Variants in HINT3 observed in about 807,000 individuals in gnomAD.
The protein encoded by HINT3 is adenosine 5'-monophosphoramidase HINT3.
HINT3 carries 16 observed loss-of-function variants against 19.1 expected under a neutral mutation model. The observed-to-expected ratio is 0.84, with a 90% CI of 0.57 to 1.27. The LOEUF (loss-of-function observed/expected upper bound fraction) is 1.27. Ranked by LOEUF, HINT3 falls within the 50% of genes most tolerant of loss-of-function variation. The probability of loss-of-function intolerance (pLI) is 0.00; values close to 1 mark genes in which losing one functional copy is unlikely to be tolerated. For synonymous variants in HINT3, 75 were observed against 84.8 expected (o/e 0.88, Z 0.63); for missense variants, 197 against 225.8 (o/e 0.87, Z 0.82).
chr6:125,971,138 G>A (rs1789091300), intron 2 of HINT3, among the ~76,000 whole-genome samples: 1 of 152,106 alleles, frequency 6.6e-6, no homozygotes, highest in Non-Finnish European at 1.5e-5. Flanking sequence ...TTTTTTGGTG[G>A]ACAGGTTTAT....
intron 1 of HINT3, among the ~76,000 whole-genome samples, chr6:125,964,749 C>G (rs1188151786): frequency 1.4e-5 from 2 of 142,156 alleles, no homozygotes; most frequent in Non-Finnish European, 3.0e-5. Flanking sequence ...CACACACACA[C>G]ACACACACAC....
Position 125,978,481 on chromosome 6 carries a change from C to T in HINT3, c.*805C>T, listed in dbSNP as rs1789206934. The T allele has an allele frequency of 6.6e-6, 1 of 152,092 alleles. No homozygotes were observed. Among genetic ancestry groups the T allele is most frequent in the South Asian group, 2.1e-4 (1 of 4,816 alleles). 9.4% of individuals were successfully genotyped at this position (152,092 alleles called of 1,614,324 possible). On this transcript the variant is annotated 3_prime_UTR_variant, in exon 5 of 5. Transcript: ENST00000229633. Reference sequence around the variant, plus strand: ...ATCAGAGGTTAAACTTTGCTTTTATCATGAAAAGGGCCTGATTTGAAGGTA... The same window carrying T: ...ATCAGAGGTTAAACTTTGCTTTTATTATGAAAAGGGCCTGATTTGAAGGTA...
At chr6:125,975,524 A>G (rs145681439) in intron 4 of HINT3, among the ~76,000 whole-genome samples, 240 of 152,032 alleles carry the variant, frequency 1.6e-3, no homozygotes, top group Middle Eastern at 6.8e-3. Context: ...TGATAGTTCA[A>G]ATTCCTTAGA....
chr6:125,966,848 T>A (rs1159900595), intron 1 of HINT3, 39 bp from the exon 2 acceptor site: 2 of 1,346,846 alleles, frequency 1.5e-6, no homozygotes, highest in Non-Finnish European at 2.1e-6. Flanking sequence ...ATTAAGAAAT[T>A]CTTTTTAAAA....
chr6:125,956,993 G>C lies in HINT3; in HGVS notation c.16G>C (p.Val6Leu). 6.5e-7 allele frequency: 1 copy of C among 1,550,216 alleles called. No homozygotes were observed. Among genetic ancestry groups the C allele is most frequent in the Non-Finnish European group, 8.7e-7 (1 of 1,146,802 alleles). The change falls in exon 1 of 5, where the codon GTG becomes CTG. Residue 6 changes from valine to leucine, a missense_variant. Transcript: ENST00000229633. MAEEQVNRSAGLAPDC... is the reference protein window; with the variant it reads MAEEQLNRSAGLAPDC... ...GGCGGGTGCAATGGCGGAGGAACAG[G>C]TGAACCGCAGCGCCGGCCTGGCCCC...
chr6:125,974,858 A>G lies in HINT3; in HGVS notation c.401A>G (p.His134Arg), dbSNP rs755291518. The change falls in exon 4 of 5, where the codon CAT becomes CGT. Residue 134 changes from histidine (H) to arginine (R), a missense_variant. Physicochemically the swap from His to Arg is conservative, Grantham distance 29. Transcript: ENST00000229633. ...TDFTNVRMGF[H>R]MPPFCSISHL... ...ACTTTCTATTTTAGGATGGGTTTTCATATGCCACCATTCTGTTCCATTTCC... is the reference window on the plus strand; with the variant it reads ...ACTTTCTATTTTAGGATGGGTTTTCGTATGCCACCATTCTGTTCCATTTCC... 13 of 1,613,132 alleles carry G rather than the reference A, an allele frequency of 8.1e-6. No individual in the cohort carries two copies. In the Admixed American group the frequency reaches 8.3e-5, roughly 10 times the overall value.
intron 1 of HINT3, among the ~76,000 whole-genome samples, chr6:125,959,225 A>G (rs1310130934): frequency 6.6e-6 from 1 of 152,212 alleles, no homozygotes; most frequent in African/African-American, 2.4e-5. Flanking sequence ...CTGAAAAAGA[A>G]GGGAAGCGAT....
At chr6:125,967,120 C>A in intron 2 of HINT3, 116 bp downstream of exon 2, 1 of 594,378 alleles carries the variant, frequency 1.7e-6, no homozygotes, top group Non-Finnish European at 2.8e-6. Context: ...AGCATTATGA[C>A]TTTTTGAAAT....
intron 2 of HINT3, among the ~76,000 whole-genome samples, chr6:125,969,655 G>C (rs1789071321): frequency 6.6e-6 from 1 of 152,008 alleles, no homozygotes; most frequent in Non-Finnish European, 1.5e-5. Flanking sequence ...TATCATCTAT[G>C]ATTTCTTTCA....
chr6:125,974,376 C>T (rs993292391), intron 3 of HINT3, among the ~76,000 whole-genome samples: 3 of 152,030 alleles, frequency 2.0e-5, no homozygotes, highest in African/African-American at 7.3e-5. Context: ...AATCTCACTA[C>T]TGAAATATTG....
Position 125,969,573 on chromosome 6 carries a change from T to G in HINT3, c.319+2569T>G, listed in dbSNP as rs200985568. ...GTAGTGTTGAATCCATAGATTACTT[T>G]GGGCAGTATGGCCTTTTTAACAATA... On this transcript the variant is annotated intron_variant, in intron 2 of 4. Transcript: ENST00000229633. Among the ~76,000 whole-genome samples, 4 of 152,308 alleles carry G rather than the reference T, an allele frequency of 2.6e-5. No homozygotes were observed. In the East Asian group the frequency reaches 7.7e-4, roughly 29 times the overall value.
intron 1 of HINT3, among the ~76,000 whole-genome samples, chr6:125,959,595 G>A (rs1429385036): frequency 6.6e-6 from 1 of 152,198 alleles, no homozygotes; most frequent in Non-Finnish European, 1.5e-5. Flanking sequence ...TGATTGAGAA[G>A]AACTTGGGAA....
At chr6:125,974,820 C>T in intron 3 of HINT3, 27 bp from the exon 4 acceptor site, 2 of 1,598,194 alleles carry the variant, frequency 1.3e-6, no homozygotes, top group Non-Finnish European at 1.7e-6. Context: ...ACTGGTTTGT[C>T]AATCATCTCT....
In HINT3 at chr6:125,959,421, T is replaced by C. The variant is rs1329926911; in HGVS notation, c.201+2243T>C. On this transcript the variant is annotated intron_variant, in intron 1 of 4. Coordinates refer to ENST00000229633, the MANE Select transcript of HINT3 (RefSeq NM_138571.5). ...TCAAAAAGAAAGGAATTGCCAGCAA[T>C]GTCAGCAGCAATATTAGCCTGCCTT... is the stretch of plus-strand genomic sequence containing the variant. 2.0e-5 allele frequency among the ~76,000 whole-genome samples: 3 copies of C among 152,214 alleles called. No homozygotes were observed. In the South Asian group the frequency reaches 6.2e-4, roughly 32 times the overall value.
intron 2 of HINT3, among the ~76,000 whole-genome samples, chr6:125,968,636 TGTAA>T (rs984685240): frequency 8.5e-4 from 129 of 152,344 alleles, no homozygotes; most frequent in African/African-American, 2.9e-3. Context: ...ATCAACAGCA[TGTAA>T]GTGTTATGTT....
rs1789158908 is a variant in HINT3, at chr6:125,974,886, C to G, written c.429C>G (p.His143Gln). 1 of 1,613,980 alleles carries G rather than the reference C, an allele frequency of 6.2e-7. No homozygotes were observed. The highest frequency in any genetic ancestry group is 8.5e-7 in the Non-Finnish European group (1 of 1,179,886). The part of the protein sequence containing the change: ...FHMPPFCSIS[H>Q]LHLHVLAPVD... ...TGCCACCATTCTGTTCCATTTCCCACTTGCACCTTCATGTTCTGGCACCAG... is the reference window on the plus strand; with the variant it reads ...TGCCACCATTCTGTTCCATTTCCCAGTTGCACCTTCATGTTCTGGCACCAG... Residue 143 changes from histidine to glutamine, a missense_variant, in exon 4 of 5, where the codon CAC becomes CAG. Transcript: ENST00000229633.
chr6:125,958,291 G>A (rs1266146156), intron 1 of HINT3, among the ~76,000 whole-genome samples: 1 of 152,052 alleles, frequency 6.6e-6, no homozygotes, highest in Non-Finnish European at 1.5e-5. Flanking sequence ...GATGAAAGGC[G>A]AGGCTGGAGA....
In HINT3 at chr6:125,969,735, G is replaced by T. The variant is rs192277979; in HGVS notation, c.320-2524G>T. On this transcript the variant is annotated intron_variant, in intron 2 of 4. Coordinates refer to ENST00000229633, the MANE Select transcript of HINT3 (RefSeq NM_138571.5). ...ACTAGCTGTATTCCTACGTATTTTTGTGTGTGTGTGGCTATTGTAAATGGG... is the reference window on the plus strand; with the variant it reads ...ACTAGCTGTATTCCTACGTATTTTTTTGTGTGTGTGGCTATTGTAAATGGG... Among the ~76,000 whole-genome samples, 9 of 152,050 alleles carry T rather than the reference G, an allele frequency of 5.9e-5. No individual in the cohort carries two copies. In the South Asian group the frequency reaches 8.3e-4, roughly 14 times the overall value.
chr6:125,974,995 G>A lies in HINT3; in HGVS notation c.516+22G>A, dbSNP rs1335745310. The A allele has an allele frequency of 3.7e-6, 6 of 1,606,192 alleles. No homozygotes were observed. In the South Asian group the frequency reaches 6.7e-5, roughly 18 times the overall value. ...CACAGTGAGTATTCTTGTTATGTCA[G>A]CAGCATACAAAAATATTTAAAATAT... is the stretch of plus-strand genomic sequence containing the variant. On this transcript the variant is annotated intron_variant, in intron 4 of 4. Coordinates refer to ENST00000229633, the MANE Select transcript of HINT3 (RefSeq NM_138571.5).
Sources: gnomAD v4.1 joint callset for allele counts (sites outside exome capture counted in the v4.1 genomes callset) on GRCh38, gnomAD v4.1.1 for gene constraint, MANE v1.5 for transcripts, NCBI Gene and HGNC (gene_info 2026-07-23, HGNC 2026-07-21) for gene names.